Variants in DCC observed in about 807,000 individuals in gnomAD.
The protein encoded by DCC is DCC netrin 1 receptor.
Under a neutral mutation model 172.5 loss-of-function variants are expected in DCC, and 58 were observed. The ratio of observed to expected loss-of-function variants is 0.34; its 90% CI spans 0.27 to 0.42. The LOEUF is 0.42. Ranked by LOEUF, DCC falls within the 10% of genes least tolerant of loss-of-function variation. The pLI is 1.00. For missense variants in DCC, 1,740 were observed against 1,791.0 expected (o/e 0.97, Z 0.51); for synonymous variants, 709 against 644.5 (o/e 1.10, Z -1.52).
At chr18:53,171,330 A>G (rs2055010439) in intron 8 of DCC, among the ~76,000 whole-genome samples, 1 of 152,216 alleles carries the variant, frequency 6.6e-6, no homozygotes, top group South Asian at 2.1e-4. Context: ...CCCAGGGCAG[A>G]ACCAGCAGGT....
chr18:52,479,833 T>C (rs760082269), intron 1 of DCC, among the ~76,000 whole-genome samples: 15 of 152,096 alleles, frequency 9.9e-5, no homozygotes, highest in African/African-American at 9.7e-5. Flanking sequence ...TTTTTCTCTC[T>C]CGTGGGTTCT....
chr18:52,778,459 A>G (rs2037474394), intron 2 of DCC, among the ~76,000 whole-genome samples: 1 of 152,162 alleles, frequency 6.6e-6, no homozygotes, highest in Non-Finnish European at 1.5e-5. Context: ...CTGATACATT[A>G]TTAAAATGCA....
chr18:53,064,383 A>G (rs2042538602), intron 6 of DCC, among the ~76,000 whole-genome samples: 1 of 152,194 alleles, frequency 6.6e-6, no homozygotes, highest in East Asian at 1.9e-4. Context: ...TTGCAGCTAC[A>G]GAAGAGGGTT....
intron 1 of DCC, among the ~76,000 whole-genome samples, chr18:52,693,484 A>ATAATG (rs2035963887): frequency 1.3e-5 from 2 of 148,650 alleles, no homozygotes; most frequent in African/African-American, 2.4e-5. Flanking sequence ...ATAATATAAT[A>ATAATG]TAATATAACA....
intron 19 of DCC, among the ~76,000 whole-genome samples, chr18:53,404,458 G>A (rs1044937440): frequency 1.6e-5 from 2 of 126,506 alleles, no homozygotes; most frequent in African/African-American, 2.6e-5. Context: ...TTGACTGGGC[G>A]CGGTGGCTCA....
intron 5 of DCC, among the ~76,000 whole-genome samples, chr18:53,023,846 A>G (rs2143932081): frequency 6.6e-6 from 1 of 152,232 alleles, no homozygotes; most frequent in Admixed American, 6.6e-5. Context: ...GCTTTCCAGG[A>G]TTGTACATAG....
intron 1 of DCC, among the ~76,000 whole-genome samples, chr18:52,668,623 C>A (rs1276663917): frequency 6.6e-6 from 1 of 152,146 alleles, no homozygotes; most frequent in African/African-American, 2.4e-5. Context: ...GCTACCCAGC[C>A]CCCAAAGCCA....
At chr18:52,401,449 A>T (rs907407211) in intron 1 of DCC, among the ~76,000 whole-genome samples, 3 of 152,042 alleles carry the variant, frequency 2.0e-5, no homozygotes, top group Non-Finnish European at 2.9e-5. Context: ...CTGACGCTGA[A>T]GCAAATTGAC....
intron 9 of DCC, among the ~76,000 whole-genome samples, chr18:53,180,905 G>T (rs988478975): frequency 2.0e-5 from 3 of 151,988 alleles, no homozygotes; most frequent in South Asian, 4.2e-4. Context: ...GAGCCATCGC[G>T]CCCAGCCCAA....
At chr18:52,733,560 T>C (rs189521537) in intron 1 of DCC, among the ~76,000 whole-genome samples, 10 of 152,234 alleles carry the variant, frequency 6.6e-5, no homozygotes, top group Admixed American at 5.2e-4. Context: ...AGTGGCATGA[T>C]CATAACACAT....
At chr18:52,689,120 A>C (rs995800265) in intron 1 of DCC, among the ~76,000 whole-genome samples, 1 of 152,170 alleles carries the variant, frequency 6.6e-6, no homozygotes, top group East Asian at 1.9e-4. Context: ...TTAGCCATCA[A>C]TTGGCAAGCA....
intron 12 of DCC, among the ~76,000 whole-genome samples, chr18:53,273,933 G>A (rs2056776605): frequency 2.0e-5 from 3 of 152,000 alleles, no homozygotes; most frequent in Non-Finnish European, 4.4e-5. Flanking sequence ...ATAATATTGT[G>A]TAGGGAGAGA....
chr18:52,927,171 A>ATATACGTG (rs1287038556), intron 5 of DCC, among the ~76,000 whole-genome samples: 1 of 143,430 alleles, frequency 7.0e-6, no homozygotes, highest in South Asian at 2.2e-4. Context: ...ATATATGTGT[A>ATATACGTG]TATATGTGTA....
At chr18:53,451,172 A>C (rs1362763306) in intron 23 of DCC, among the ~76,000 whole-genome samples, 1 of 152,238 alleles carries the variant, frequency 6.6e-6, no homozygotes, top group African/African-American at 2.4e-5. Flanking sequence ...GCAGTAGTTA[A>C]GAAAGAAGAG....
intron 12 of DCC, among the ~76,000 whole-genome samples, chr18:53,287,212 T>G (rs2056946074): frequency 6.6e-6 from 1 of 152,202 alleles, no homozygotes; most frequent in Admixed American, 6.5e-5. Context: ...ATTATGTACA[T>G]TTTACATAAA....
intron 7 of DCC, among the ~76,000 whole-genome samples, chr18:53,108,031 A>G (rs912788199): frequency 1.3e-5 from 2 of 151,808 alleles, no homozygotes; most frequent in Non-Finnish European, 1.5e-5. Context: ...ATTAACTTTA[A>G]TCCAAGAGTA....
intron 1 of DCC, among the ~76,000 whole-genome samples, chr18:52,620,675 T>C (rs1380650): frequency 0.021 from 3,131 of 148,824 alleles, 105 homozygotes; most frequent in East Asian, 0.091. Context: ...ATTGGAGTCA[T>C]ATTCAGTTGT....
chr18:52,920,525 C>CA (rs202127596), intron 3 of DCC, among the ~76,000 whole-genome samples: 1,916 of 149,694 alleles, frequency 0.013, 24 homozygotes, highest in Middle Eastern at 0.017. Flanking sequence ...GGCTAAAATA[C>CA]AAAAAAAATA....
chr18:53,156,256 G>A (rs1331906998), intron 7 of DCC, among the ~76,000 whole-genome samples: 1 of 152,062 alleles, frequency 6.6e-6, no homozygotes, highest in East Asian at 1.9e-4. Flanking sequence ...AGGCCAAGGT[G>A]GGTGGATCAC....
Sources: allele counts gnomAD v4.1 joint callset (sites outside exome capture counted in the v4.1 genomes callset), GRCh38; gene constraint gnomAD v4.1.1; transcripts MANE v1.5; gene names NCBI Gene and HGNC (gene_info 2026-07-23, HGNC 2026-07-21).